The following GRID1 variants were observed in gnomAD, a reference collection of about 807,000 sequenced individuals.
The protein encoded by GRID1 is glutamate ionotropic receptor delta type subunit 1.
Under a neutral mutation model 98.0 loss-of-function variants are expected in GRID1, and 28 were observed. That is an observed-to-expected ratio of 0.29 (90% CI 0.21 to 0.39). The LOEUF is 0.39. Ranked by LOEUF, GRID1 falls within the 10% of genes least tolerant of loss-of-function variation. The probability of loss-of-function intolerance (pLI) is 1.00; values close to 1 mark genes in which losing one functional copy is unlikely to be tolerated. For synonymous variants in GRID1, 553 were observed against 538.5 expected (o/e 1.03, Z -0.37); for missense variants, 1,111 against 1,340.5 (o/e 0.83, Z 2.67).
chr10:86,037,839 T>C (rs1315681416), intron 4 of GRID1, among the ~76,000 whole-genome samples: 1 of 152,182 alleles, frequency 6.6e-6, no homozygotes, highest in African/African-American at 2.4e-5. Flanking sequence ...GTTTCCATGC[T>C]ATAAATACTG....
At chr10:86,069,750 G>A (rs1843775932) in intron 4 of GRID1, among the ~76,000 whole-genome samples, 1 of 152,218 alleles carries the variant, frequency 6.6e-6, no homozygotes, top group Non-Finnish European at 1.5e-5. Context: ...CAGTGGAAAA[G>A]ATGTCCGGGA....
chr10:85,760,427 A>C (rs576116814), intron 8 of GRID1, among the ~76,000 whole-genome samples: 1 of 152,312 alleles, frequency 6.6e-6, no homozygotes, highest in South Asian at 2.1e-4. Context: ...TAGATAAGAT[A>C]ATGTGTCTGT....
At chr10:85,959,308 C>T (rs955174303) in intron 4 of GRID1, among the ~76,000 whole-genome samples, 4 of 152,222 alleles carry the variant, frequency 2.6e-5, no homozygotes, top group Non-Finnish European at 5.9e-5. Context: ...CTGAACCCTC[C>T]TCTGGGAAAC....
At chr10:86,160,005 C>T (rs1276448040) in intron 3 of GRID1, among the ~76,000 whole-genome samples, 1 of 152,108 alleles carries the variant, frequency 6.6e-6, no homozygotes, top group Non-Finnish European at 1.5e-5. Context: ...ACTACTACCA[C>T]CATCATCATA....
chr10:86,286,321 C>T (rs1847430787), intron 2 of GRID1, among the ~76,000 whole-genome samples: 1 of 152,164 alleles, frequency 6.6e-6, no homozygotes, highest in South Asian at 2.1e-4. Flanking sequence ...GAGTGCTGTG[C>T]CTTTATTGAG....
At chr10:85,673,014 T>C (rs1841105009) in intron 12 of GRID1, among the ~76,000 whole-genome samples, 1 of 152,194 alleles carries the variant, frequency 6.6e-6, no homozygotes, top group African/African-American at 2.4e-5. Context: ...TTGTAATTCA[T>C]GAGAGGAGGT....
At chr10:86,225,456 T>C (rs1198740764) in intron 2 of GRID1, among the ~76,000 whole-genome samples, 1 of 152,250 alleles carries the variant, frequency 6.6e-6, no homozygotes, top group Non-Finnish European at 1.5e-5. Flanking sequence ...ATGAGGACTA[T>C]ATATTGCTCA....
At chr10:86,283,765 C>T (rs1274658672) in intron 2 of GRID1, among the ~76,000 whole-genome samples, 1 of 145,226 alleles carries the variant, frequency 6.9e-6, no homozygotes, top group Middle Eastern at 4.5e-3. Context: ...ACTGCCCTTG[C>T]ACACACACCT....
chr10:85,849,889 A>G (rs534742875), intron 8 of GRID1, among the ~76,000 whole-genome samples: 2 of 151,900 alleles, frequency 1.3e-5, no homozygotes, highest in African/African-American at 4.8e-5. Context: ...GTAAAGCTTG[A>G]CCCCCTGGAC....
intron 8 of GRID1, among the ~76,000 whole-genome samples, chr10:85,787,037 C>T (rs117162530): frequency 0.017 from 2,574 of 152,354 alleles, 76 homozygotes; most frequent in Admixed American, 0.069. Context: ...CATCCACCAT[C>T]TCCCATCAAT....
At chr10:86,308,588 G>C (rs1847791276) in intron 2 of GRID1, among the ~76,000 whole-genome samples, 1 of 152,180 alleles carries the variant, frequency 6.6e-6, no homozygotes, top group South Asian at 2.1e-4. Flanking sequence ...AGGTCCAATG[G>C]GAAGTATGTT....
intron 2 of GRID1, among the ~76,000 whole-genome samples, chr10:86,279,846 G>T (rs12244205): frequency 0.24 from 36,061 of 152,084 alleles, 5,026 homozygotes; most frequent in African/African-American, 0.39. Flanking sequence ...TAGAAAATTT[G>T]ATGGAATCTA....
chr10:86,240,875 G>T (rs1332583857), intron 2 of GRID1, among the ~76,000 whole-genome samples: 2 of 152,198 alleles, frequency 1.3e-5, no homozygotes, highest in Non-Finnish European at 2.9e-5. Flanking sequence ...CCAGCCTCGG[G>T]GAGCCAAGCA....
At chr10:86,279,648 T>C (rs532141094) in intron 2 of GRID1, among the ~76,000 whole-genome samples, 1 of 152,252 alleles carries the variant, frequency 6.6e-6, no homozygotes, top group South Asian at 2.1e-4. Flanking sequence ...TAACATCATA[T>C]TTAGTGTTGA....
At chr10:86,354,019 C>T (rs1848499623) in intron 2 of GRID1, among the ~76,000 whole-genome samples, 1 of 152,170 alleles carries the variant, frequency 6.6e-6, no homozygotes, top group Non-Finnish European at 1.5e-5. Context: ...AGAGTGGGGC[C>T]ACTCCATGGC....
At chr10:86,127,998 C>T (rs1340551599) in intron 4 of GRID1, among the ~76,000 whole-genome samples, 1 of 152,194 alleles carries the variant, frequency 6.6e-6, no homozygotes, top group Non-Finnish European at 1.5e-5. Context: ...AATACTCCAG[C>T]TTATGACCAG....
intron 4 of GRID1, among the ~76,000 whole-genome samples, chr10:86,075,161 G>C (rs1460636185): frequency 1.4e-5 from 2 of 146,542 alleles, no homozygotes; most frequent in Non-Finnish European, 3.0e-5. Flanking sequence ...GTTTGACTCA[G>C]TATGAGTTGA....
chr10:85,853,854 T>C lies in GRID1; in HGVS notation c.1233+642A>G, dbSNP rs562429525. Among the ~76,000 whole-genome samples, 13 of 152,224 alleles carry C rather than the reference T, an allele frequency of 8.5e-5. No individual in the cohort carries two copies. In the South Asian group the frequency reaches 2.5e-3, roughly 29 times the overall value. ...CTGGATAAAAGGCCACTCTCCACTA[T>C]CCACAGTCCTGAAAACTGTTCTCTA... On this transcript the variant is annotated intron_variant, in intron 8 of 15. Coordinates refer to ENST00000327946, the MANE Select transcript of GRID1 (RefSeq NM_017551.3).
chr10:85,764,436 G>T (rs775600010), intron 8 of GRID1, among the ~76,000 whole-genome samples: 1 of 152,192 alleles, frequency 6.6e-6, no homozygotes, highest in Non-Finnish European at 1.5e-5. Context: ...AGTGGGCAGA[G>T]AGAGTAAGCC....
Sources: gnomAD v4.1 joint callset for allele counts (sites outside exome capture counted in the v4.1 genomes callset) on GRCh38, gnomAD v4.1.1 for gene constraint, MANE v1.5 for transcripts, NCBI Gene and HGNC (gene_info 2026-07-23, HGNC 2026-07-21) for gene names.